Variants in ZNF429 observed in about 807,000 individuals in gnomAD.
ZNF429 encodes the protein zinc finger protein 429.
ZNF429 carries 53 observed loss-of-function variants against 56.8 expected under a neutral mutation model. The ratio of observed to expected loss-of-function variants is 0.93; its 90% CI spans 0.75 to 1.17. The LOEUF (loss-of-function observed/expected upper bound fraction) is 1.17, where lower values mean the gene tolerates loss of function less well. Ranked by LOEUF, ZNF429 falls within the 50% of genes most tolerant of loss-of-function variation. The pLI is 0.00. For missense variants in ZNF429, 849 were observed against 788.4 expected (o/e 1.08, Z -0.92); for synonymous variants, 278 against 264.7 (o/e 1.05, Z -0.49).
At position 21,537,307 on chromosome 19, in the gene ZNF429, T is replaced by C. The variant is rs2033734037; in HGVS notation, c.1254T>C (p.Ile418=). The C allele has an allele frequency of 1.2e-6, 2 of 1,613,624 alleles. No homozygotes were observed. The highest frequency in any genetic ancestry group is 1.7e-6 in the Non-Finnish European group (2 of 1,179,944). The change falls in exon 4 of 4, where the codon ATT becomes ATC. Residue 418 remains isoleucine, a synonymous_variant. Transcript: ENST00000358491. ...CAACACTTACTCAAGACAAGAAAATTCATACTGGAGAGAAACCCTACAATT... is the reference window on the plus strand; with the variant it reads ...CAACACTTACTCAAGACAAGAAAATCCATACTGGAGAGAAACCCTACAATT... ...CSSTLTQDKK[I]HTGEKPYNCE...
chr19:21,506,772 T>G (rs548895549), intron 1 of ZNF429, among the ~76,000 whole-genome samples: 13 of 145,380 alleles, frequency 8.9e-5, no homozygotes, highest in South Asian at 6.6e-4. Flanking sequence ...TTTTTGTTTT[T>G]TTTTTTTTTT....
intron 1 of ZNF429, among the ~76,000 whole-genome samples, chr19:21,517,283 A>G (rs113535476): frequency 6.6e-6 from 1 of 152,344 alleles, no homozygotes; most frequent in African/African-American, 2.4e-5. Flanking sequence ...TCCCAGGGAT[A>G]AAGCCTACTT....
chr19:21,506,554 G>A (rs1002835440), intron 1 of ZNF429, among the ~76,000 whole-genome samples: 12 of 151,894 alleles, frequency 7.9e-5, no homozygotes, highest in African/African-American at 2.7e-4. Flanking sequence ...GTGGTCCTTT[G>A]GAGGAGCTTG....
At chr19:21,523,267 G>A (rs2033047094) in intron 1 of ZNF429, among the ~76,000 whole-genome samples, 1 of 152,208 alleles carries the variant, frequency 6.6e-6, no homozygotes, top group African/African-American at 2.4e-5. Flanking sequence ...TCTAGGTCAT[G>A]AGATTTGGAA....
chr19:21,514,762 C>G (rs2032660262), intron 1 of ZNF429, among the ~76,000 whole-genome samples: 1 of 151,448 alleles, frequency 6.6e-6, no homozygotes, highest in Admixed American at 6.6e-5. Flanking sequence ...CCACACCCAG[C>G]TAATTTTTGT....
chr19:21,520,805 G>C (rs1364597338), intron 1 of ZNF429, among the ~76,000 whole-genome samples: 1 of 152,120 alleles, frequency 6.6e-6, no homozygotes, highest in African/African-American at 2.4e-5. Context: ...GGAATCTGTA[G>C]TTGTACTTTG....
intron 3 of ZNF429, among the ~76,000 whole-genome samples, chr19:21,531,319 T>A: frequency 6.6e-6 from 1 of 151,654 alleles, no homozygotes; most frequent in Non-Finnish European, 1.5e-5. Flanking sequence ...CTATTACAAA[T>A]CCATAGGGCA....
Position 21,535,488 on chromosome 19 carries a change from C to A in ZNF429, c.227-792C>A. On this transcript the variant is annotated intron_variant, in intron 3 of 3. Transcript: ENST00000358491. ...TCTTTCTTTCTTTCTTTCTTTCTTT[C>A]TTTCTTTCTTCTTTCTTTCTTTCTT... Among the ~76,000 whole-genome samples the A allele has an allele frequency of 3.8e-4, 31 of 80,840 alleles. 1 individual carries two copies. Among genetic ancestry groups the A allele is most frequent in the Non-Finnish European group, 7.2e-4 (29 of 40,350 alleles). 53.0% of individuals were successfully genotyped at this position (80,840 alleles called of 152,430 possible). A position where few individuals can be genotyped will look rare whatever the true frequency, so the allele number is the denominator to read the frequency against.
At position 21,537,677 on chromosome 19, in the gene ZNF429, T is replaced by A. The variant is rs1262164110; in HGVS notation, c.1624T>A (p.Cys542Ser). The change falls in exon 4 of 4, where the codon TGT (cysteine) becomes AGT (serine). Residue 542 changes from cysteine (C) to serine (S), a missense_variant. Cys to Ser is a moderately radical substitution (Grantham distance 112, BLOSUM62 -1). Coordinates refer to ENST00000358491, the MANE Select transcript of ZNF429 (RefSeq NM_001001415.4). ...AGAGAAACCTTACAAATGTGAAGAA[T>A]GTGGCAAAGCTTTTAACCGGTCCTC... ...TGEKPYKCEE[C>S]GKAFNRSSRL... The A allele has an allele frequency of 2.5e-6, 4 of 1,613,538 alleles. No homozygotes were observed. The African/African-American group carries it at 5.3e-5, about 22-fold the overall frequency.
intron 1 of ZNF429, among the ~76,000 whole-genome samples, chr19:21,514,921 T>A (rs1338875522): frequency 8.6e-5 from 13 of 151,296 alleles, no homozygotes; most frequent in Admixed American, 7.9e-4. Flanking sequence ...TTTATTTTTT[T>A]AAATTATTTT....
intron 1 of ZNF429, among the ~76,000 whole-genome samples, chr19:21,525,827 C>G (rs2033146187): frequency 6.6e-6 from 1 of 151,904 alleles, no homozygotes; most frequent in Non-Finnish European, 1.5e-5. Context: ...AGCTTTTATT[C>G]TATACATTTT....
chr19:21,523,231 C>G (rs1407577008), intron 1 of ZNF429, among the ~76,000 whole-genome samples: 1 of 152,190 alleles, frequency 6.6e-6, no homozygotes, highest in Admixed American at 6.5e-5. Context: ...TATTCAGGAC[C>G]TAAATCTGCA....
intron 1 of ZNF429, among the ~76,000 whole-genome samples, chr19:21,523,988 TA>T: frequency 6.6e-6 from 1 of 152,110 alleles, no homozygotes; most frequent in Non-Finnish European, 1.5e-5. Context: ...ATTCAGAATG[TA>T]AAAAAAACTA....
intron 1 of ZNF429, among the ~76,000 whole-genome samples, chr19:21,524,971 T>A (rs963324666): frequency 6.6e-6 from 1 of 152,174 alleles, no homozygotes; most frequent in Non-Finnish European, 1.5e-5. Flanking sequence ...AATTGCTTCA[T>A]TAATATGACC....
Position 21,536,383 on chromosome 19 carries a change from C to T in ZNF429, c.330C>T (p.Asn110=), listed in dbSNP as rs1392727971. 1.2e-6 allele frequency: 2 copies of T among 1,613,850 alleles called. No individual in the cohort carries two copies. Among genetic ancestry groups the T allele is most frequent in the South Asian group, 2.2e-5 (2 of 91,076 alleles). The part of the protein sequence containing the change: ...LRRYDKRGHE[N]LQLRKGYKTV... ...GATATGATAAACGTGGACATGAGAACTTACAATTAAGAAAAGGCTATAAAA... is the reference window on the plus strand; with the variant it reads ...GATATGATAAACGTGGACATGAGAATTTACAATTAAGAAAAGGCTATAAAA... The change falls in exon 4 of 4, where the codon AAC becomes AAT. Residue 110 remains asparagine, a synonymous_variant. Coordinates refer to ENST00000358491, the MANE Select transcript of ZNF429 (RefSeq NM_001001415.4).
chr19:21,531,066 A>G, intron 3 of ZNF429, among the ~76,000 whole-genome samples: 11 of 136,862 alleles, frequency 8.0e-5, no homozygotes, highest in South Asian at 2.5e-4. Flanking sequence ...AGATCACATC[A>G]TTGCACTCCA....
At chr19:21,508,972 A>G (rs2032319867) in intron 1 of ZNF429, among the ~76,000 whole-genome samples, 2 of 151,816 alleles carry the variant, frequency 1.3e-5, no homozygotes, top group South Asian at 4.1e-4. Context: ...TTTAGATGAA[A>G]CTTGGTGCCT....
At position 21,536,456 on chromosome 19, in the gene ZNF429, C is replaced by T; in HGVS notation, c.403C>T (p.Gln135Ter). 2.5e-6 allele frequency: 4 copies of T among 1,613,400 alleles called. No homozygotes were observed. The highest frequency in any genetic ancestry group is 1.7e-6 in the Non-Finnish European group (2 of 1,179,726). The change falls in exon 4 of 4, where the codon CAA (glutamine) becomes TAA (stop). Residue 135 changes from glutamine to a stop codon, truncating the protein, a stop_gained. Transcript: ENST00000358491. LOFTEE classifies it high-confidence loss of function. ...LYKGGYNGLN[Q>*]CLTLTQSKMY... ...CAAAGGAGGTTATAATGGACTTAAC[C>T]AATGTTTGACACTTACCCAGAGCAA...
At chr19:21,531,167 A>G in intron 3 of ZNF429, among the ~76,000 whole-genome samples, 1 of 151,552 alleles carries the variant, frequency 6.6e-6, no homozygotes, top group Non-Finnish European at 1.5e-5. Context: ...TGACTGCCCT[A>G]CAGAGCAAAG....
Sources: allele counts gnomAD v4.1 joint callset (sites outside exome capture counted in the v4.1 genomes callset), GRCh38; gene constraint gnomAD v4.1.1; transcripts MANE v1.5; gene names NCBI Gene and HGNC (gene_info 2026-07-23, HGNC 2026-07-21).